The following MNAT1 variants were observed in gnomAD, a reference collection of about 807,000 sequenced individuals.
The protein encoded by MNAT1 is MNAT1 component of CDK activating kinase, also known as CDK-activating kinase assembly factor MAT1.
Under a neutral mutation model 42.0 loss-of-function variants are expected in MNAT1, and 43 were observed. That is an observed-to-expected ratio of 1.02 (90% CI 0.80 to 1.32). MNAT1 has a LOEUF of 1.32. Ranked by LOEUF, MNAT1 falls within the 40% of genes most tolerant of loss-of-function variation. The pLI is 0.00. For missense variants in MNAT1, 306 were observed against 350.4 expected, an observed-to-expected ratio of 0.87 and a Z score of 1.01; for synonymous variants, 118 against 120.0, an observed-to-expected ratio of 0.98 and a Z score of 0.11.
chr14:60,869,280 A>G (rs995770549), intron 6 of MNAT1, among the ~76,000 whole-genome samples: 22 of 151,582 alleles, frequency 1.5e-4, no homozygotes, highest in Admixed American at 1.3e-3. Context: ...AGCTCAAGCA[A>G]TCCGCCTGCC....
intron 6 of MNAT1, among the ~76,000 whole-genome samples, chr14:60,873,560 C>T (rs1594821272): frequency 1.3e-5 from 2 of 152,200 alleles, no homozygotes; most frequent in South Asian, 4.1e-4. Flanking sequence ...CCTTGATCTC[C>T]TGGGCTCAAG....
At chr14:60,788,533 A>G (rs1392482814) in intron 1 of MNAT1, among the ~76,000 whole-genome samples, 4 of 152,196 alleles carry the variant, frequency 2.6e-5, no homozygotes, top group African/African-American at 7.2e-5. Flanking sequence ...CTCTGTAGCT[A>G]TGGAAGTCCT....
intron 6 of MNAT1, among the ~76,000 whole-genome samples, chr14:60,869,042 T>TATA (rs1336981892): frequency 2.7e-4 from 21 of 79,094 alleles, no homozygotes; most frequent in African/African-American, 6.0e-4. Flanking sequence ...ATATATATAT[T>TATA]TTTTTTTTTT....
chr14:60,871,082 T>C (rs575578628), intron 6 of MNAT1, among the ~76,000 whole-genome samples: 2 of 152,350 alleles, frequency 1.3e-5, no homozygotes, highest in East Asian at 1.9e-4. Context: ...TCATTCATTT[T>C]TATTGTTGAA....
At position 60,773,579 on chromosome 14, in the gene MNAT1, A is replaced by G. The variant is rs141385839; in HGVS notation, c.90-22638A>G. 4.8e-3 allele frequency among the ~76,000 whole-genome samples: 738 copies of G among 152,336 alleles called. 10 individuals carry two copies. Among genetic ancestry groups the G allele is most frequent in the African/African-American group, 0.016 (665 of 41,578 alleles). ...CCACCCTAGATATTTCAAGCCATGA[A>G]GAATTTACTTCAGGCAATTACAGGC... On this transcript the variant is annotated intron_variant, in intron 1 of 7. Coordinates refer to ENST00000261245, the MANE Select transcript of MNAT1 (RefSeq NM_002431.4).
chr14:60,936,807 T>C (rs2036007722), intron 7 of MNAT1, among the ~76,000 whole-genome samples: 1 of 152,314 alleles, frequency 6.6e-6, no homozygotes, highest in South Asian at 2.1e-4. Flanking sequence ...CCACACCGAC[T>C]TCCACAGTGG....
chr14:60,901,013 CAAAAAAAAAAA>C (rs56345746), intron 7 of MNAT1, among the ~76,000 whole-genome samples: 23 of 36,576 alleles, frequency 6.3e-4, no homozygotes, highest in Admixed American at 2.7e-3. Context: ...GAGCCTGTCT[CAAAAAAAAAAA>C]AAAAAAAAAA....
chr14:60,735,231 T>C lies in MNAT1; in HGVS notation c.89+280T>C, dbSNP rs75189553. 7.6e-3 allele frequency among the ~76,000 whole-genome samples: 1,164 copies of C among 152,276 alleles called. 9 individuals are homozygous for C. Among genetic ancestry groups the C allele is most frequent in the African/African-American group, 0.027 (1,105 of 41,544 alleles). ...GAGTATCCCGACTGTATTTCCAGGC[T>C]TTGTGTTGTTTACTGGGCTCTGGAC... is the stretch of plus-strand genomic sequence containing the variant. On this transcript the variant is annotated intron_variant, in intron 1 of 7. Coordinates refer to ENST00000261245, the MANE Select transcript of MNAT1 (RefSeq NM_002431.4).
At chr14:60,944,903 A>T (rs1439201478) in intron 7 of MNAT1, among the ~76,000 whole-genome samples, 1 of 152,208 alleles carries the variant, frequency 6.6e-6, no homozygotes. Context: ...TCATGCAAAC[A>T]TAGCTCTTAA....
rs572069928 is a variant in MNAT1 at position 60,832,100 on chromosome 14, T to C, written c.687+13253T>C. On this transcript the variant is annotated intron_variant, in intron 6 of 7. Transcript: ENST00000261245. The stretch of plus-strand genomic sequence containing the variant: ...ATTAGCCCTTTGTCAGATAGATAGA[T>C]TGCAAAAATTTTCTCCCATTCTGTA... 1.6e-4 allele frequency among the ~76,000 whole-genome samples: 25 copies of C among 152,320 alleles called. No individual in the cohort carries two copies. In the East Asian group the frequency reaches 4.6e-3, roughly 28 times the overall value.
chr14:60,905,596 A>G (rs2035178438), intron 7 of MNAT1, among the ~76,000 whole-genome samples: 1 of 152,182 alleles, frequency 6.6e-6, no homozygotes, highest in Non-Finnish European at 1.5e-5. Context: ...TAAGGGAGCC[A>G]GTGATGTGAC....
At chr14:60,845,696 C>T (rs72722276) in intron 6 of MNAT1, among the ~76,000 whole-genome samples, 37,083 of 151,974 alleles carry the variant, frequency 0.24, 5,896 homozygotes, top group Admixed American at 0.34. Context: ...GCTTTCACTC[C>T]GAGCCCTAGG....
chr14:60,901,013 C>CAAAAA (rs56345746), intron 7 of MNAT1, among the ~76,000 whole-genome samples: 16 of 36,572 alleles, frequency 4.4e-4, no homozygotes, highest in African/African-American at 1.3e-3. Context: ...GAGCCTGTCT[C>CAAAAA]AAAAAAAAAA....
chr14:60,878,038 T>C (rs2034471119), intron 6 of MNAT1, among the ~76,000 whole-genome samples: 1 of 152,090 alleles, frequency 6.6e-6, no homozygotes, highest in Non-Finnish European at 1.5e-5. Flanking sequence ...TTTTATTAGC[T>C]TTCTTCCCTA....
intron 7 of MNAT1, among the ~76,000 whole-genome samples, chr14:60,907,590 G>A (rs998891649): frequency 1.3e-5 from 2 of 151,744 alleles, no homozygotes; most frequent in Non-Finnish European, 2.9e-5. Context: ...AGACCAGCCT[G>A]ACCAGCATGG....
At chr14:60,874,295 C>G (rs185524720) in intron 6 of MNAT1, among the ~76,000 whole-genome samples, 1 of 152,140 alleles carries the variant, frequency 6.6e-6, no homozygotes, top group African/African-American at 2.4e-5. Flanking sequence ...TATACTGATT[C>G]ATTCTCTGCC....
chr14:60,769,591 A>G (rs1037791725), intron 1 of MNAT1, among the ~76,000 whole-genome samples: 7 of 152,000 alleles, frequency 4.6e-5, no homozygotes, highest in African/African-American at 9.7e-5. Flanking sequence ...GCTAAGAATT[A>G]TTTTACTGTG....
chr14:60,863,439 G>C (rs1566800638), intron 6 of MNAT1, among the ~76,000 whole-genome samples: 1 of 152,078 alleles, frequency 6.6e-6, no homozygotes, highest in Non-Finnish European at 1.5e-5. Flanking sequence ...AGCAAATGCA[G>C]CTGATTGGCA....
At chr14:60,808,599 A>G (rs1566775078) in intron 4 of MNAT1, 171 bp downstream of exon 4, 1 of 430,418 alleles carries the variant, frequency 2.3e-6, no homozygotes, top group East Asian at 4.3e-5. Flanking sequence ...GCAGGCACAC[A>G]TTACTGTAGC....
Sources: gnomAD v4.1 joint callset for allele counts (sites outside exome capture counted in the v4.1 genomes callset) on GRCh38, gnomAD v4.1.1 for gene constraint, MANE v1.5 for transcripts, NCBI Gene and HGNC (gene_info 2026-07-23, HGNC 2026-07-21) for gene names.